The following LCP2 variants were observed in gnomAD, a reference collection of about 807,000 sequenced individuals.
LCP2 encodes lymphocyte cytosolic protein 2.
Under a neutral mutation model 74.5 loss-of-function variants are expected in LCP2, and 29 were observed. The ratio of observed to expected loss-of-function variants is 0.39; its 90% CI spans 0.29 to 0.53. The LOEUF (loss-of-function observed/expected upper bound fraction) is 0.53. LCP2 is among the 20% of genes least tolerant of loss of function. LCP2 has a pLI of 0.72. For missense variants in LCP2, 604 were observed against 634.6 expected (o/e 0.95, Z 0.52); for synonymous variants, 228 against 229.5 (o/e 0.99, Z 0.06).
chr5:170,276,879 C>A (rs1220743289), intron 3 of LCP2, among the ~76,000 whole-genome samples: 3 of 151,800 alleles, frequency 2.0e-5, no homozygotes, highest in Non-Finnish European at 4.4e-5. Context: ...AGATCGAGAC[C>A]ATCCTGGCCA....
chr5:170,295,187 G>A (rs529217443), intron 1 of LCP2, among the ~76,000 whole-genome samples: 3 of 152,298 alleles, frequency 2.0e-5, no homozygotes, highest in South Asian at 4.1e-4. Context: ...CAAGTCAAAA[G>A]GAATTGGAGA....
At chr5:170,278,636 TC>T (rs1762051608) in intron 3 of LCP2, among the ~76,000 whole-genome samples, 1 of 152,134 alleles carries the variant, frequency 6.6e-6, no homozygotes, top group Admixed American at 6.5e-5. Flanking sequence ...AACGCCCTCC[TC>T]CTACAGAGTT....
Position 170,252,525 on chromosome 5 carries a change from T to G in LCP2, c.1246-14A>C. 1 of 1,376,526 alleles carries G rather than the reference T, an allele frequency of 7.3e-7. No homozygotes were observed. The highest frequency in any genetic ancestry group is 1.2e-5 in the South Asian group (1 of 81,068). 85.3% of individuals were successfully genotyped at this position (1,376,526 alleles called of 1,614,324 possible). On this transcript the variant is annotated splice_polypyrimidine_tract_variant and intron_variant, in intron 18 of 20. Coordinates refer to ENST00000046794, the MANE Select transcript of LCP2 (RefSeq NM_005565.5). ...ATTTAATGAATTCTGAAAATGTAAA[T>G]TTTTAGAAACTGAATAAATTTTACA...
At position 170,256,446 on chromosome 5, in the gene LCP2, G is replaced by T. The variant is rs1581058576; in HGVS notation, c.1150+80C>A. Reference sequence around the variant, plus strand: ...TTTAGGAAACAATAAAACCTTTGTCGAAAGCTTTTGGGACAGGTTAGGGAT... The same window carrying T: ...TTTAGGAAACAATAAAACCTTTGTCTAAAGCTTTTGGGACAGGTTAGGGAT... On this transcript the variant is annotated intron_variant, in intron 17 of 20. Coordinates refer to ENST00000046794, the MANE Select transcript of LCP2 (RefSeq NM_005565.5). The surrounding 1 kb of genome is among the most constrained non-coding windows in gnomAD (Gnocchi z 4.5). 8.8e-7 allele frequency: 1 copy of T among 1,133,918 alleles called. No individual in the cohort carries two copies. Among genetic ancestry groups the T allele is most frequent in the East Asian group, 2.4e-5 (1 of 42,478 alleles). The allele number at this position is 1,133,918 out of a possible 1,614,324, so 70.2% of individuals were successfully genotyped here. A position where few individuals can be genotyped will look rare whatever the true frequency, so the allele number is the denominator to read the frequency against.
At chr5:170,251,730 TA>T in intron 19 of LCP2, 1 of 451,152 alleles carries the variant, frequency 2.2e-6, no homozygotes, top group Admixed American at 2.4e-5. Context: ...AAATTAGAAT[TA>T]CCTGGGAAGT....
intron 3 of LCP2, among the ~76,000 whole-genome samples, chr5:170,279,223 G>A (rs2113196831): frequency 6.6e-6 from 1 of 152,266 alleles, no homozygotes; most frequent in African/African-American, 2.4e-5. Flanking sequence ...CTCCCCACAG[G>A]AAGCCAGGCC....
At chr5:170,273,621 A>C (rs1430991617) in intron 6 of LCP2, among the ~76,000 whole-genome samples, 1 of 152,104 alleles carries the variant, frequency 6.6e-6, no homozygotes, top group Non-Finnish European at 1.5e-5. Context: ...CAGTTGCCTC[A>C]TCTGTAAAAT....
chr5:170,269,870 C>T (rs1048791861), intron 7 of LCP2, among the ~76,000 whole-genome samples: 3 of 152,184 alleles, frequency 2.0e-5, no homozygotes, highest in African/African-American at 7.2e-5. Flanking sequence ...ATGAAACAGA[C>T]TTGATCATGG....
intron 3 of LCP2, among the ~76,000 whole-genome samples, chr5:170,281,699 A>G (rs781226767): frequency 6.6e-5 from 10 of 152,234 alleles, no homozygotes; most frequent in South Asian, 2.1e-4. Flanking sequence ...TGTTTCTGCC[A>G]TTAGACTCAC....
intron 20 of LCP2, 119 bp downstream of exon 20, chr5:170,250,611 T>C: frequency 1.3e-6 from 1 of 767,028 alleles, no homozygotes; most frequent in Non-Finnish European, 2.3e-6. Context: ...AGGGCTTCAC[T>C]CATGTGATTT....
chr5:170,284,696 T>C (rs1488683150), intron 3 of LCP2, among the ~76,000 whole-genome samples: 1 of 152,112 alleles, frequency 6.6e-6, no homozygotes, highest in Non-Finnish European at 1.5e-5. Context: ...TTTCCTCTCC[T>C]TTAGGGACTT....
At chr5:170,251,898 A>T (rs1761452816) in intron 19 of LCP2, 1 of 236,886 alleles carries the variant, frequency 4.2e-6, no homozygotes, top group African/African-American at 2.2e-5. Flanking sequence ...AAGATGAAAG[A>T]TTTTTGCTTT....
At chr5:170,269,879 G>T (rs1761864235) in intron 7 of LCP2, among the ~76,000 whole-genome samples, 1 of 152,284 alleles carries the variant, frequency 6.6e-6, no homozygotes, top group Admixed American at 6.5e-5. Context: ...ACTTGATCAT[G>T]GTTGTCCTTA....
At chr5:170,289,633 CTT>C (rs1762245664) in intron 2 of LCP2, among the ~76,000 whole-genome samples, 1 of 103,532 alleles carries the variant, frequency 9.7e-6, no homozygotes, top group Non-Finnish European at 1.9e-5. Context: ...TTCTTTCTTT[CTT>C]TCTTTCTTTC....
At position 170,282,599 on chromosome 5, in the gene LCP2, T is replaced by G. The variant is rs1762123226; in HGVS notation, c.188+5371A>C. ...ATTCCTCCTCTCCAGAAAGATAGAATAGTTAAAAAGCTAAAATTGTTCTAA... is the reference window on the plus strand; with the variant it reads ...ATTCCTCCTCTCCAGAAAGATAGAAGAGTTAAAAAGCTAAAATTGTTCTAA... On this transcript the variant is annotated intron_variant, in intron 3 of 20. Transcript: ENST00000046794. 2.0e-5 allele frequency among the ~76,000 whole-genome samples: 3 copies of G among 152,366 alleles called. No individual in the cohort carries two copies. In the South Asian group the frequency reaches 6.2e-4, roughly 32 times the overall value.
At chr5:170,251,157 C>T (rs1761429877) in intron 19 of LCP2, 4 of 337,502 alleles carry the variant, frequency 1.2e-5, no homozygotes, top group African/African-American at 4.3e-5. Context: ...CTGATAAAAA[C>T]GGAATCTTTT....
intron 2 of LCP2, among the ~76,000 whole-genome samples, chr5:170,289,769 T>TC (rs1554141464): frequency 2.0e-5 from 3 of 150,404 alleles, no homozygotes; most frequent in African/African-American, 7.4e-5. Context: ...TTTTTTTTTT[T>TC]CATCACTGAG....
rs753656428 is a variant in LCP2 at position 170,247,076 on chromosome 5, G to T, written c.*1621C>A. 6.6e-6 allele frequency: 1 copy of T among 152,126 alleles called. No individual in the cohort carries two copies. Among genetic ancestry groups the T allele is most frequent in the Non-Finnish European group, 1.5e-5 (1 of 68,022 alleles). 9.4% of individuals were successfully genotyped at this position (152,126 alleles called of 1,614,324 possible). A position where few individuals can be genotyped will look rare whatever the true frequency, so the allele number is the denominator to read the frequency against. The stretch of plus-strand genomic sequence containing the variant: ...TTTTTGAATTGTAAAGATAGAATAC[G>T]GCAAAGCAAGACAAGTGGAGCTTAC... On this transcript the variant is annotated 3_prime_UTR_variant, in exon 21 of 21. Transcript: ENST00000046794.
At chr5:170,275,240 C>T in intron 5 of LCP2, 80 bp downstream of exon 5, 1 of 1,470,252 alleles carries the variant, frequency 6.8e-7, no homozygotes, top group Non-Finnish European at 9.5e-7. Flanking sequence ...ACTCAAGGAG[C>T]CCCAGGAACC....
Sources: allele counts gnomAD v4.1 joint callset (sites outside exome capture counted in the v4.1 genomes callset), GRCh38; gene constraint gnomAD v4.1.1; non-coding constraint Gnocchi (gnomAD v3.1); transcripts MANE v1.5; gene names NCBI Gene and HGNC (gene_info 2026-07-23, HGNC 2026-07-21).